CFAP100: variants seen among roughly 807,000 people sequenced by gnomAD.
CFAP100 encodes cilia- and flagella-associated protein 100.
Under a neutral mutation model 81.5 loss-of-function variants are expected in CFAP100, and 70 were observed. That is an observed-to-expected ratio of 0.86 (90% CI 0.71 to 1.05). The LOEUF is 1.05. CFAP100 is among the 50% of genes least tolerant of loss of function. The pLI is 0.00. For missense variants in CFAP100, 811 were observed against 776.5 expected (o/e 1.04, Z -0.53); for synonymous variants, 341 against 314.8 (o/e 1.08, Z -0.88).
intron 2 of CFAP100, among the ~76,000 whole-genome samples, chr3:126,401,091 C>A (rs190958290): frequency 6.6e-6 from 1 of 151,446 alleles, no homozygotes; most frequent in East Asian, 1.9e-4. Flanking sequence ...CACAAAAAGA[C>A]AAATATTGTA....
chr3:126,421,561 C>T (rs1297368379), intron 11 of CFAP100, among the ~76,000 whole-genome samples: 1 of 152,174 alleles, frequency 6.6e-6, no homozygotes, highest in Non-Finnish European at 1.5e-5. Flanking sequence ...TCCCTACATC[C>T]CTGCCCGGGC....
chr3:126,432,755 T>C (rs1430168558), intron 13 of CFAP100: 2 of 230,798 alleles, frequency 8.7e-6, no homozygotes, highest in African/African-American at 4.5e-5. Flanking sequence ...GTCATGGTTG[T>C]GTAAACTCCT....
chr3:126,411,374 T>TTG lies in CFAP100; in HGVS notation c.131-2710_131-2709insGT, dbSNP rs1560067634. ...TTGTTGTTGTTGGTTTTTTTTTTTTTTTTTTTTTTTTTTGCTCGTGTCCTT... is the reference window on the plus strand; with the variant it reads ...TTGTTGTTGTTGGTTTTTTTTTTTTTTGTTTTTTTTTTTTTGCTCGTGTCCTT... On this transcript the variant is annotated intron_variant, in intron 3 of 16. Transcript: ENST00000352312. 1.1e-4 allele frequency among the ~76,000 whole-genome samples: 16 copies of TTG among 140,934 alleles called. 1 individual carries two copies. The highest frequency in any genetic ancestry group is 4.2e-4 in the African/African-American group (16 of 38,554). The allele number at this position is 140,934 out of a possible 152,430, so 92.5% of individuals were successfully genotyped here. A position where few individuals can be genotyped will look rare whatever the true frequency, so the allele number is the denominator to read the frequency against.
intron 3 of CFAP100, among the ~76,000 whole-genome samples, chr3:126,413,723 C>G (rs916691515): frequency 3.3e-5 from 5 of 152,230 alleles, no homozygotes; most frequent in African/African-American, 4.8e-5. Flanking sequence ...GTCAGCAGAC[C>G]CTGGTCACCA....
intron 13 of CFAP100, among the ~76,000 whole-genome samples, chr3:126,429,235 C>A (rs1028957642): frequency 6.6e-6 from 1 of 151,396 alleles, no homozygotes; most frequent in Non-Finnish European, 1.5e-5. Flanking sequence ...ATTACTATGT[C>A]AATCTCCCTA....
At chr3:126,396,277 G>A (rs115245452) in intron 2 of CFAP100, among the ~76,000 whole-genome samples, 1 of 152,154 alleles carries the variant, frequency 6.6e-6, no homozygotes, top group African/African-American at 2.4e-5. Context: ...AAGCTCTGGG[G>A]GCTGGATGTC....
In CFAP100 at chr3:126,425,519, A is replaced by G. The variant is rs114481570; in HGVS notation, c.1286+1875A>G. Among the ~76,000 whole-genome samples, 1,203 of 152,350 alleles carry G rather than the reference A, an allele frequency of 7.9e-3. 9 individuals carry two copies. The highest frequency in any genetic ancestry group is 0.011 in the Non-Finnish European group (727 of 68,032). ...GAAGAAATTATACCAATTCTCTACA[A>G]TCACTTTTCAGAAGATAGGAGCAGA... On this transcript the variant is annotated intron_variant, in intron 13 of 16. Coordinates refer to ENST00000352312, the MANE Select transcript of CFAP100 (RefSeq NM_182628.3).
intron 13 of CFAP100, among the ~76,000 whole-genome samples, chr3:126,428,212 A>G (rs1008346572): frequency 2.6e-5 from 4 of 152,258 alleles, no homozygotes; most frequent in Non-Finnish European, 5.9e-5. Flanking sequence ...ATGACAAGAC[A>G]TGGAAGAACC....
In CFAP100 at chr3:126,414,091, G is replaced by A; in HGVS notation, c.137G>A (p.Gly46Asp). Residue 46 changes from glycine to aspartate, a missense_variant, in exon 4 of 17, where the codon GGT (glycine) becomes GAT (aspartate). Gly to Asp is a moderately conservative substitution (Grantham distance 94). Transcript: ENST00000352312. ...KKQARKNEEH[G>D]PDPSANPFHL... ...GAGGTGTCTCCCTTTCCAGAACATG[G>A]TCCTGACCCTTCAGCGAACCCTTTC... The A allele has an allele frequency of 6.2e-7, 1 of 1,613,064 alleles. No homozygotes were observed. The highest frequency in any genetic ancestry group is 8.5e-7 in the Non-Finnish European group (1 of 1,179,038).
At chr3:126,416,651 T>C (rs890115771) in intron 5 of CFAP100, 143 bp downstream of exon 5, 2 of 692,792 alleles carry the variant, frequency 2.9e-6, no homozygotes, top group African/African-American at 1.8e-5. Flanking sequence ...CTGCCCTTTC[T>C]GTGTTTGGCC....
chr3:126,416,079 C>G (rs1182104246), intron 4 of CFAP100, among the ~76,000 whole-genome samples: 1 of 152,168 alleles, frequency 6.6e-6, no homozygotes, highest in African/African-American at 2.4e-5. Context: ...GTCTGGAGTG[C>G]TCATCTGACC....
chr3:126,411,930 T>G lies in CFAP100; in HGVS notation c.131-2155T>G, dbSNP rs979654208. ...AGTTCTGCTCTGATATTTGCTATTT[T>G]TTTTCTTCTGCTGGGTTTGGATTTA... On this transcript the variant is annotated intron_variant, in intron 3 of 16. Coordinates refer to ENST00000352312, the MANE Select transcript of CFAP100 (RefSeq NM_182628.3). 2.6e-5 allele frequency among the ~76,000 whole-genome samples: 4 copies of G among 152,220 alleles called. No homozygotes were observed. In the East Asian group the frequency reaches 7.7e-4, roughly 29 times the overall value.
Position 126,416,472 on chromosome 3 carries a change from C to T in CFAP100, c.382C>T (p.Arg128Cys), listed in dbSNP as rs769909398. The change falls in exon 5 of 17, where the codon CGC becomes TGC. Residue 128 changes from arginine (R) to cysteine (C), a missense_variant. Transcript: ENST00000352312. ...CGAGGCCGAGCATCAGCGCGCCTTCCGCGACTACACGACCTGGAAGCTCAC... is the reference window on the plus strand; with the variant it reads ...CGAGGCCGAGCATCAGCGCGCCTTCTGCGACTACACGACCTGGAAGCTCAC... ...RAEAEHQRAF[R>C]DYTTWKLTLT... 10 of 1,605,036 alleles carry T rather than the reference C, an allele frequency of 6.2e-6. No homozygotes were observed. The highest frequency in any genetic ancestry group is 1.7e-4 in the Middle Eastern group (1 of 6,050).
At chr3:126,397,905 G>A (rs1233778720) in intron 2 of CFAP100, among the ~76,000 whole-genome samples, 3 of 152,176 alleles carry the variant, frequency 2.0e-5, no homozygotes, top group Non-Finnish European at 4.4e-5. Context: ...GGGGCCTGGA[G>A]GCCAAGTAGG....
chr3:126,434,149 C>T, intron 14 of CFAP100, 27 bp from the exon 15 acceptor site: 1 of 1,584,510 alleles, frequency 6.3e-7, no homozygotes. Flanking sequence ...CCTGCCAGCA[C>T]CCTGCTGGAA....
intron 4 of CFAP100, among the ~76,000 whole-genome samples, chr3:126,414,990 C>G (rs1268091779): frequency 6.6e-6 from 1 of 152,222 alleles, no homozygotes; most frequent in Non-Finnish European, 1.5e-5. Context: ...CAGCCCTGCC[C>G]AGGCCTCCAC....
At position 126,414,199 on chromosome 3, in the gene CFAP100, G is replaced by A. The variant is rs757801586; in HGVS notation, c.225+20G>A. On this transcript the variant is annotated intron_variant, in intron 4 of 16. Coordinates refer to ENST00000352312, the MANE Select transcript of CFAP100 (RefSeq NM_182628.3). ...CTCTCCGTGAGTATCCAGGACAGAC[G>A]CCAGCACCTCCGGGAGCTTCCCTGC... The A allele has an allele frequency of 7.6e-6, 12 of 1,574,544 alleles. No homozygotes were observed. Among genetic ancestry groups the A allele is most frequent in the African/African-American group, 2.7e-5 (2 of 74,166 alleles).
chr3:126,407,201 T>C lies in CFAP100; in HGVS notation c.79T>C (p.Ser27Pro), dbSNP rs1267691728. 6.2e-7 allele frequency: 1 copy of C among 1,613,898 alleles called. No homozygotes were observed. The highest frequency in any genetic ancestry group is 8.5e-7 in the Non-Finnish European group (1 of 1,179,898). ...CAGCCTGGAATCCATGAACATCAGC[T>C]CTTCTTCAAGCACTGAAGAGAACCC... ...KNSLESMNIS[S>P]SSSTEENPKK... Residue 27 changes from serine (S) to proline (P), a missense_variant, in exon 3 of 17, where the codon TCT (serine) becomes CCT (proline). Coordinates refer to ENST00000352312, the MANE Select transcript of CFAP100 (RefSeq NM_182628.3).
At position 126,435,567 on chromosome 3, in the gene CFAP100, A is replaced by G; in HGVS notation, c.1637A>G (p.Glu546Gly). Reference protein sequence around the residue: ...KEKERRIRLREEKLQMQKILQ... With the variant: ...KEKERRIRLRGEKLQMQKILQ... ...CATTTCTTGCCACCCAGACTTCGAG[A>G]AGAGAAGCTCCAGATGCAAAAGATC... Residue 546 changes from glutamate to glycine, a missense_variant, in exon 16 of 17, where the codon GAA becomes GGA. By Grantham distance (98) the Glu-to-Gly change is moderately conservative (BLOSUM62 -2). Transcript: ENST00000352312. 4 of 1,610,392 alleles carry G rather than the reference A, an allele frequency of 2.5e-6. No individual in the cohort carries two copies. Among genetic ancestry groups the G allele is most frequent in the Non-Finnish European group, 2.5e-6 (3 of 1,177,580 alleles).
Sources: allele counts gnomAD v4.1 joint callset (sites outside exome capture counted in the v4.1 genomes callset), GRCh38; gene constraint gnomAD v4.1.1; transcripts MANE v1.5; gene names NCBI Gene and HGNC (gene_info 2026-07-23, HGNC 2026-07-21).